The following WIPF3 variants were observed in gnomAD, a reference collection of about 807,000 sequenced individuals.
WIPF3 encodes WAS/WASL interacting protein family member 3, also known as WAS/WASL-interacting protein family member 3.
WIPF3 carries 33 observed loss-of-function variants against 38.9 expected under a neutral mutation model. That is an observed-to-expected ratio of 0.85 (90% CI 0.64 to 1.14). The LOEUF is 1.14. WIPF3 is among the 50% of genes most tolerant of loss of function. The probability of loss-of-function intolerance (pLI) is 0.00; values close to 1 mark genes in which losing one functional copy is unlikely to be tolerated. For missense variants in WIPF3, 711 were observed against 652.5 expected, an observed-to-expected ratio of 1.09 and a Z score of -0.98; for synonymous variants, 324 against 269.3, an observed-to-expected ratio of 1.20 and a Z score of -1.99.
intron 1 of WIPF3, among the ~76,000 whole-genome samples, chr7:29,821,711 A>G (rs1026312630): frequency 6.6e-6 from 1 of 152,118 alleles, no homozygotes; most frequent in African/African-American, 2.4e-5. Context: ...ACTCAGGAAA[A>G]CCAGTTATCT....
intron 7 of WIPF3, among the ~76,000 whole-genome samples, chr7:29,898,653 A>G (rs1430777262): frequency 6.6e-6 from 1 of 152,132 alleles, no homozygotes; most frequent in Admixed American, 6.6e-5. Context: ...TGCAATTTCC[A>G]GAACATTCCA....
intron 2 of WIPF3, among the ~76,000 whole-genome samples, chr7:29,839,260 AG>A (rs1784878055): frequency 6.6e-6 from 1 of 152,246 alleles, no homozygotes; most frequent in Non-Finnish European, 1.5e-5. Flanking sequence ...ACAATTTAAA[AG>A]GTTAAAAGAG....
At chr7:29,830,619 C>CAA (rs56261573) in intron 1 of WIPF3, among the ~76,000 whole-genome samples, 2 of 100,826 alleles carry the variant, frequency 2.0e-5, no homozygotes, top group Non-Finnish European at 4.2e-5. Flanking sequence ...GACTCTGTCT[C>CAA]AAAAAAAAAA....
At chr7:29,812,768 C>A (rs1373523356) in intron 1 of WIPF3, among the ~76,000 whole-genome samples, 1 of 152,202 alleles carries the variant, frequency 6.6e-6, no homozygotes, top group Non-Finnish European at 1.5e-5. Context: ...AGGCAGCTAG[C>A]AGTATCAGCC....
At chr7:29,832,712 A>C (rs4719987) in intron 1 of WIPF3, among the ~76,000 whole-genome samples, 79,593 of 151,500 alleles carry the variant, frequency 0.53, 21,242 homozygotes, top group Middle Eastern at 0.63. Context: ...CTCTTTCCCC[A>C]AAAAAGTTGC....
intron 1 of WIPF3, among the ~76,000 whole-genome samples, chr7:29,808,645 T>C (rs892015047): frequency 6.6e-5 from 10 of 151,906 alleles, no homozygotes; most frequent in Non-Finnish European, 4.4e-5. Flanking sequence ...GAGTGTGACA[T>C]TGTGTCACAG....
chr7:29,842,751 T>C (rs1784932867), intron 2 of WIPF3, among the ~76,000 whole-genome samples: 2 of 152,108 alleles, frequency 1.3e-5, no homozygotes, highest in African/African-American at 4.8e-5. Flanking sequence ...TGTTTGCTGT[T>C]GTTAAAAAAA....
At chr7:29,891,415 G>T (rs1033112294) in intron 7 of WIPF3, among the ~76,000 whole-genome samples, 1 of 152,208 alleles carries the variant, frequency 6.6e-6, no homozygotes, top group Non-Finnish European at 1.5e-5. Flanking sequence ...GGTCCGCTGG[G>T]ACATCTCTCT....
chr7:29,888,100 G>A lies in WIPF3; in HGVS notation c.1132G>A (p.Ala378Thr). 6.2e-7 allele frequency: 1 copy of A among 1,613,914 alleles called. No individual in the cohort carries two copies. Among genetic ancestry groups the A allele is most frequent in the Non-Finnish European group, 8.5e-7 (1 of 1,179,872 alleles). ...TGGGGGAAAGCTAAATCCACCTCCA[G>A]CACCCCCTGCGAGATCACCTACCAC... ...AGGGKLNPPP[A>T]PPARSPTTEL... Residue 378 changes from alanine (A) to threonine (T), a missense_variant, in exon 6 of 9, where the codon GCA becomes ACA. By Grantham distance (58) the Ala-to-Thr change is moderately conservative. Transcript: ENST00000242140.
intron 8 of WIPF3, among the ~76,000 whole-genome samples, chr7:29,913,820 C>T (rs1252520942): frequency 2.0e-5 from 3 of 152,252 alleles, no homozygotes; most frequent in Non-Finnish European, 4.4e-5. Flanking sequence ...GAATCCTCCT[C>T]ACTACCAACG....
At chr7:29,847,726 C>G (rs539773409) in intron 2 of WIPF3, among the ~76,000 whole-genome samples, 108 of 152,160 alleles carry the variant, frequency 7.1e-4, no homozygotes, top group Middle Eastern at 3.2e-3. Flanking sequence ...TACAATCAAA[C>G]AAAACAGGTC....
intron 2 of WIPF3, among the ~76,000 whole-genome samples, chr7:29,841,643 T>A (rs1237004664): frequency 6.6e-6 from 1 of 152,110 alleles, no homozygotes; most frequent in East Asian, 1.9e-4. Context: ...AAACCCCATC[T>A]CTACTAAAAA....
intron 7 of WIPF3, among the ~76,000 whole-genome samples, chr7:29,896,046 T>C (rs1435931206): frequency 6.6e-6 from 1 of 152,080 alleles, no homozygotes; most frequent in Non-Finnish European, 1.5e-5. Context: ...ATTAGTGGTT[T>C]CCAGAGAGAA....
At chr7:29,888,963 G>C (rs174979) in intron 6 of WIPF3, among the ~76,000 whole-genome samples, 111,205 of 152,040 alleles carry the variant, frequency 0.73, 40,992 homozygotes, top group South Asian at 0.89. Context: ...TCCTTGTTGG[G>C]ACCAGGGTCC....
chr7:29,889,156 G>C, intron 6 of WIPF3, 150 bp from the exon 7 acceptor site: 1 of 648,916 alleles, frequency 1.5e-6, no homozygotes, highest in Non-Finnish European at 2.8e-6. Context: ...ATGTCTTAGG[G>C]AGAATGGCCC....
chr7:29,834,060 G>A (rs1328664023), intron 1 of WIPF3, among the ~76,000 whole-genome samples: 1 of 152,166 alleles, frequency 6.6e-6, no homozygotes, highest in Non-Finnish European at 1.5e-5. Flanking sequence ...AGTCTAGGCA[G>A]AGGAGAGGAG....
chr7:29,867,333 C>T (rs1284872730), intron 2 of WIPF3, among the ~76,000 whole-genome samples: 4 of 152,202 alleles, frequency 2.6e-5, no homozygotes, highest in African/African-American at 9.6e-5. Context: ...AAGCCCTTAA[C>T]AGAGACTGAG....
At chr7:29,896,541 G>A (rs1344797949) in intron 7 of WIPF3, among the ~76,000 whole-genome samples, 9 of 152,160 alleles carry the variant, frequency 5.9e-5, no homozygotes, top group African/African-American at 1.4e-4. Context: ...GCTTGAGCCC[G>A]GGAGGTGGAG....
At chr7:29,815,867 C>CTGG (rs1784446827) in intron 1 of WIPF3, among the ~76,000 whole-genome samples, 1 of 152,148 alleles carries the variant, frequency 6.6e-6, no homozygotes, top group African/African-American at 2.4e-5. Flanking sequence ...GGTCAGTCGC[C>CTGG]TCTAACTTGT....
Sources: gnomAD v4.1 joint callset for allele counts (sites outside exome capture counted in the v4.1 genomes callset) on GRCh38, gnomAD v4.1.1 for gene constraint, MANE v1.5 for transcripts, NCBI Gene and HGNC (gene_info 2026-07-23, HGNC 2026-07-21) for gene names.